MED1: variants seen among roughly 807,000 people sequenced by gnomAD.
MED1 encodes mediator complex subunit 1, also known as mediator of RNA polymerase II transcription subunit 1.
MED1 carries 17 observed loss-of-function variants against 121.3 expected under a neutral mutation model. That is an observed-to-expected ratio of 0.14 (90% CI 0.10 to 0.21). The LOEUF is 0.21. Among genes scored for constraint, MED1 ranks in the 10% least tolerant of loss-of-function variants. The pLI is 1.00. For synonymous variants in MED1, 661 were observed against 694.4 expected, an observed-to-expected ratio of 0.95 and a Z score of 0.76; for missense variants, 1,558 against 1,919.4, an observed-to-expected ratio of 0.81 and a Z score of 3.52.
chr17:39,434,599 T>A (rs953415426), intron 6 of MED1, among the ~76,000 whole-genome samples: 9 of 152,226 alleles, frequency 5.9e-5, no homozygotes, highest in African/African-American at 2.2e-4. Context: ...CCAGGTGTTT[T>A]ATTAGCTCCC....
intron 13 of MED1, among the ~76,000 whole-genome samples, chr17:39,422,972 T>C (rs933252101): frequency 6.7e-6 from 1 of 148,834 alleles, no homozygotes; most frequent in Admixed American, 6.9e-5. Flanking sequence ...TTCAAGCCAT[T>C]CTCCTCCCTC....
intron 13 of MED1, among the ~76,000 whole-genome samples, chr17:39,420,751 G>A (rs1202311499): frequency 6.7e-6 from 1 of 150,064 alleles, no homozygotes; most frequent in Non-Finnish European, 1.5e-5. Context: ...TCAGCTTCCC[G>A]AGCAGCTGAG....
chr17:39,441,693 C>T (rs1329380888), intron 3 of MED1, among the ~76,000 whole-genome samples: 1 of 152,076 alleles, frequency 6.6e-6, no homozygotes, highest in Non-Finnish European at 1.5e-5. Context: ...TCTCTTGAAC[C>T]CGGTGGGGGC....
At chr17:39,435,751 G>A (rs547194196) in intron 6 of MED1, among the ~76,000 whole-genome samples, 3 of 151,936 alleles carry the variant, frequency 2.0e-5, no homozygotes, top group East Asian at 3.9e-4. Flanking sequence ...GCTGGAGTCC[G>A]ATGGCGATGG....
At position 39,410,517 on chromosome 17, in the gene MED1, C is replaced by T. The variant is rs1200276628; in HGVS notation, c.1704G>A (p.Pro568=). The part of the protein sequence containing the change: ...SGTTTPTNTF[P]GGPITTLFNM... ...TAAACAAGGTGGTAATGGGACCCCC[C>T]GGAAAGGTGTTGGTTGGTGTAGTGG... Residue 568 remains proline (P), a synonymous_variant, in exon 17 of 17, where the codon CCG becomes CCA. Transcript: ENST00000300651. 4 of 1,613,936 alleles carry T rather than the reference C, an allele frequency of 2.5e-6. No individual in the cohort carries two copies. Among genetic ancestry groups the T allele is most frequent in the Non-Finnish European group, 3.4e-6 (4 of 1,180,030 alleles).
rs551980606 is a variant in MED1, at chr17:39,440,856, CA to C, written c.212-180del. 1.2e-4 allele frequency among the ~76,000 whole-genome samples: 18 copies of C among 146,814 alleles called. No homozygotes were observed. Among genetic ancestry groups the C allele is most frequent in the Admixed American group, 2.0e-4 (3 of 14,674 alleles). On this transcript the variant is annotated intron_variant, in intron 3 of 16. Coordinates refer to ENST00000300651, the MANE Select transcript of MED1 (RefSeq NM_004774.4). The surrounding 1 kb of genome is among the most constrained non-coding windows in gnomAD (Gnocchi z 4.1). ...CTGTGGCCTATGCAGTACTAAAGGTCAAAAAAAAAAGATCTATTTGAAAAAT... is the reference window on the plus strand; with the variant it reads ...CTGTGGCCTATGCAGTACTAAAGGTCAAAAAAAAAGATCTATTTGAAAAAT...
At chr17:39,423,845 G>C in intron 11 of MED1, 24 bp from the exon 12 acceptor site, 1 of 1,581,582 alleles carries the variant, frequency 6.3e-7, no homozygotes, top group Non-Finnish European at 8.6e-7. Context: ...AGGGTGGAAG[G>C]GTTGGATTCT....
In MED1 at chr17:39,451,150, G is replaced by C. The variant is rs927348253; in HGVS notation, c.-88C>G. On this transcript the variant is annotated 5_prime_UTR_variant, in exon 1 of 17. Transcript: ENST00000300651. ...AGGAAACAAGTTGGCTCGGGATCCC[G>C]GGACGCAGGGCACCAGCAGTCCCTA... 6.8e-7 allele frequency: 1 copy of C among 1,464,594 alleles called. No homozygotes were observed. Among genetic ancestry groups the C allele is most frequent in the Non-Finnish European group, 9.5e-7 (1 of 1,052,316 alleles). The allele number at this position is 1,464,594 out of a possible 1,614,324, so 90.7% of individuals were successfully genotyped here.
chr17:39,430,587 G>A (rs1036861259), intron 9 of MED1, among the ~76,000 whole-genome samples: 4 of 151,874 alleles, frequency 2.6e-5, no homozygotes, highest in African/African-American at 9.7e-5. Flanking sequence ...CAGCTACCCT[G>A]GAGGCTGAGG....
chr17:39,406,259 T>G lies in MED1; in HGVS notation c.*1216A>C. On this transcript the variant is annotated 3_prime_UTR_variant, in exon 17 of 17. Transcript: ENST00000300651. ...CATTACTTCAAAAGTGAGCTTGAAA[T>G]TGTTTTAAGTGAACTATGGCTGCGG... The G allele has an allele frequency of 1.0e-6, 1 of 985,572 alleles. No individual in the cohort carries two copies. Among genetic ancestry groups the G allele is most frequent in the Non-Finnish European group, 1.2e-6 (1 of 829,934 alleles). The allele number at this position is 985,572 out of a possible 1,614,324, so 61.1% of individuals were successfully genotyped here.
chr17:39,450,894 T>A, intron 1 of MED1, 144 bp downstream of exon 1: 1 of 640,602 alleles, frequency 1.6e-6, no homozygotes, highest in Non-Finnish European at 2.7e-6. Context: ...GAGGGTATAG[T>A]GACAATCTAA....
intron 16 of MED1, among the ~76,000 whole-genome samples, chr17:39,412,456 G>C (rs1056993356): frequency 1.3e-5 from 2 of 149,980 alleles, no homozygotes; most frequent in African/African-American, 4.9e-5. Flanking sequence ...TCGAACTCCT[G>C]ACCTCAGGCG....
rs1342114827 is a variant in MED1, at chr17:39,406,402, G to A, written c.*1073C>T. On this transcript the variant is annotated 3_prime_UTR_variant, in exon 17 of 17. Transcript: ENST00000300651. The stretch of plus-strand genomic sequence containing the variant: ...TCTTAGGAATGGCATCAGTTCTCCT[G>A]CAAACAAAATGCTGGGATGCAGACT... 20 of 985,244 alleles carry A rather than the reference G, an allele frequency of 2.0e-5. No homozygotes were observed. Among genetic ancestry groups the A allele is most frequent in the Non-Finnish European group, 2.4e-5 (20 of 829,916 alleles). The allele number at this position is 985,244 out of a possible 1,614,324, so 61.0% of individuals were successfully genotyped here.
chr17:39,409,866 G>A lies in MED1; in HGVS notation c.2355C>T (p.Asp785=), dbSNP rs2048339554. ...GAAGTTTAGAAGCTTCTTCTGCAAT[G>A]TCTGAAAGGATGTCAGTTACATCTG... ...IGPDVTDILS[D]IAEEASKLPS... The change falls in exon 17 of 17, where the codon GAC becomes GAT. Residue 785 remains aspartate, a synonymous_variant. Transcript: ENST00000300651. 3 of 1,614,180 alleles carry A rather than the reference G, an allele frequency of 1.9e-6. No individual in the cohort carries two copies. The highest frequency in any genetic ancestry group is 2.2e-5 in the East Asian group (1 of 44,884).
chr17:39,444,696 C>T (rs553057108), intron 2 of MED1, among the ~76,000 whole-genome samples: 1 of 151,796 alleles, frequency 6.6e-6, no homozygotes, highest in South Asian at 2.1e-4. Flanking sequence ...TAGTGAAACC[C>T]CATCTCTACT....
In MED1 at chr17:39,405,336, G is replaced by T. The variant is rs1391096589; in HGVS notation, c.*2139C>A. ...GGGATGAAGACAGAAAGAGAGAAAA[G>T]CTTCCCAGTTTACTCATTTTGGTAT... On this transcript the variant is annotated 3_prime_UTR_variant, in exon 17 of 17. Transcript: ENST00000300651. 1 of 1,595,820 alleles carries T rather than the reference G, an allele frequency of 6.3e-7. No individual in the cohort carries two copies.
intron 16 of MED1, 44 bp downstream of exon 16, chr17:39,414,982 A>G (rs775401290): frequency 1.3e-6 from 2 of 1,562,770 alleles, no homozygotes; most frequent in East Asian, 2.2e-5. Context: ...AACATTCTTT[A>G]TACATCTCTA....
In MED1 at chr17:39,409,639, T is replaced by C. The variant is rs1430188371; in HGVS notation, c.2582A>G (p.Asp861Gly). Residue 861 changes from aspartate to glycine, a missense_variant, in exon 17 of 17, where the codon GAT becomes GGT. Physicochemically the swap from Asp to Gly is moderately conservative, Grantham distance 94. This residue lies in a region of MED1 where 793 missense variants were observed against 898.2 expected (regional missense o/e 0.88). Transcript: ENST00000300651. Reference sequence around the variant, plus strand: ...TAAATCAGGATTGAAATCTACTCCATCATGAAAAAAATGATTGGTAGGAGA... The same window carrying C: ...TAAATCAGGATTGAAATCTACTCCACCATGAAAAAAATGATTGGTAGGAGA... ...SDSPTNHFFH[D>G]GVDFNPDLLN... is the part of the protein sequence containing the mutation. 2.5e-6 allele frequency: 4 copies of C among 1,613,994 alleles called. No individual in the cohort carries two copies. In the African/African-American group the frequency reaches 4.0e-5, roughly 16 times the overall value.
chr17:39,407,086 T>C lies in MED1; in HGVS notation c.*389A>G. 2 of 994,948 alleles carry C rather than the reference T, an allele frequency of 2.0e-6. No homozygotes were observed. The allele number at this position is 994,948 out of a possible 1,614,324, so 61.6% of individuals were successfully genotyped here. On this transcript the variant is annotated 3_prime_UTR_variant, in exon 17 of 17. Coordinates refer to ENST00000300651, the MANE Select transcript of MED1 (RefSeq NM_004774.4). Reference sequence around the variant, plus strand: ...TTTTCATTTTCTGCCCAGCCCTTCATATACATGCACTAAAATGAGTTTAAA... The same window carrying C: ...TTTTCATTTTCTGCCCAGCCCTTCACATACATGCACTAAAATGAGTTTAAA...
Sources: gnomAD v4.1 joint callset for allele counts (sites outside exome capture counted in the v4.1 genomes callset) on GRCh38, gnomAD v4.1.1 for gene constraint, gnomAD v4.1.1 regional missense constraint, Gnocchi (gnomAD v3.1) non-coding constraint, MANE v1.5 for transcripts, NCBI Gene and HGNC (gene_info 2026-07-23, HGNC 2026-07-21) for gene names.